The following BPIFC variants were observed in gnomAD, a reference collection of about 807,000 sequenced individuals.
The protein encoded by BPIFC is BPI fold-containing family C protein.
In BPIFC, 60 loss-of-function variants were observed where a neutral mutation model predicts 57.6. The ratio of observed to expected loss-of-function variants is 1.04; its 90% CI spans 0.85 to 1.29. BPIFC has a LOEUF of 1.29. Among genes scored for constraint, BPIFC ranks in the 50% most tolerant of loss-of-function variants. The pLI, the probability that BPIFC is intolerant of heterozygous loss-of-function variation, is 0.00. For missense variants in BPIFC, 581 were observed against 600.5 expected, an observed-to-expected ratio of 0.97 and a Z score of 0.34; for synonymous variants, 243 against 224.5, an observed-to-expected ratio of 1.08 and a Z score of -0.74.
rs1206778178 is a variant in BPIFC, at chr22:32,414,267, A to ACCAT, written c.*32_*35dup. The ACCAT allele has an allele frequency of 3.0e-5, 49 of 1,610,126 alleles. No homozygotes were observed. Among genetic ancestry groups the ACCAT allele is most frequent in the Non-Finnish European group, 3.9e-5 (46 of 1,177,878 alleles). ...GTTTACAGTAGTTGTAGGATTAAGG[A>ACCAT]CCATTTACTTCCTGGGGTGAATTGC... On this transcript the variant is annotated 3_prime_UTR_variant, in exon 17 of 17. Coordinates refer to ENST00000300399, the MANE Select transcript of BPIFC (RefSeq NM_174932.3).
At chr22:32,436,989 ATTGT>A (rs1463457744) in intron 9 of BPIFC, among the ~76,000 whole-genome samples, 2 of 152,328 alleles carry the variant, frequency 1.3e-5, no homozygotes, top group African/African-American at 4.8e-5. Context: ...AACCACAATG[ATTGT>A]TTTTCCATGA....
chr22:32,442,817 AG>A, intron 7 of BPIFC, 86 bp from the exon 8 acceptor site: 1 of 1,284,700 alleles, frequency 7.8e-7, no homozygotes, highest in South Asian at 1.3e-5. Flanking sequence ...CTGCAAACAA[AG>A]GCCTTCTGGT....
At chr22:32,462,943 G>A (rs1438900219) in intron 1 of BPIFC, among the ~76,000 whole-genome samples, 1 of 152,120 alleles carries the variant, frequency 6.6e-6, no homozygotes, top group African/African-American at 2.4e-5. Flanking sequence ...ATCTAGAAAC[G>A]TTCAAGCATC....
chr22:32,416,011 G>A lies in BPIFC; in HGVS notation c.1325-20C>T, dbSNP rs56965504. On this transcript the variant is annotated intron_variant, in intron 15 of 16. Coordinates refer to ENST00000300399, the MANE Select transcript of BPIFC (RefSeq NM_174932.3). ...ATTTTGCTAAAATATAGAACAAGAC[G>A]TAAAACAATTGGGCACAAGCACAGA... 10,530 of 1,509,394 alleles carry A rather than the reference G, an allele frequency of 7.0e-3. 536 individuals are homozygous for A. The African/African-American group carries it at 0.12, about 17-fold the overall frequency. The allele number at this position is 1,509,394 out of a possible 1,614,324, so 93.5% of individuals were successfully genotyped here. A position where few individuals can be genotyped will look rare whatever the true frequency, so the allele number is the denominator to read the frequency against.
intron 1 of BPIFC, among the ~76,000 whole-genome samples, chr22:32,462,392 C>G (rs1935186704): frequency 6.6e-6 from 1 of 151,250 alleles, no homozygotes; most frequent in African/African-American, 2.4e-5. Flanking sequence ...AGATTCCAGT[C>G]AACTAAGAAA....
chr22:32,439,718 G>A (rs1234122061), intron 8 of BPIFC, among the ~76,000 whole-genome samples: 1 of 152,024 alleles, frequency 6.6e-6, no homozygotes, highest in Non-Finnish European at 1.5e-5. Context: ...GGGTTCAAGT[G>A]ATTCTCCTGA....
chr22:32,453,611 C>T, intron 3 of BPIFC, 108 bp from the exon 4 acceptor site: 1 of 1,333,426 alleles, frequency 7.5e-7, no homozygotes, highest in Non-Finnish European at 9.8e-7. Flanking sequence ...CCCTTAGATA[C>T]TTAGAAAATG....
At chr22:32,442,322 G>C (rs923742399) in intron 8 of BPIFC, among the ~76,000 whole-genome samples, 1 of 152,168 alleles carries the variant, frequency 6.6e-6, no homozygotes, top group Non-Finnish European at 1.5e-5. Context: ...AGCCACTGCA[G>C]GCTGAGAACC....
chr22:32,451,720 T>A (rs1480008669), intron 4 of BPIFC, among the ~76,000 whole-genome samples: 2 of 151,958 alleles, frequency 1.3e-5, no homozygotes, highest in African/African-American at 2.4e-5. Flanking sequence ...AATAAATTTT[T>A]AAAAAAAGAA....
chr22:32,437,686 C>A, intron 9 of BPIFC, 74 bp downstream of exon 9: 1 of 1,119,812 alleles, frequency 8.9e-7, no homozygotes, highest in Non-Finnish European at 1.3e-6. Flanking sequence ...GCACCGTGCC[C>A]AGTCCATAAT....
In BPIFC at chr22:32,457,571, A is replaced by G. The variant is rs113091425; in HGVS notation, c.1-185T>C. On this transcript the variant is annotated intron_variant, in intron 2 of 16. Transcript: ENST00000300399. ...CAACCATCCATCCGTCCATCCATCC[A>G]TCCATCCATCCATCCATCCATCCAT... is the stretch of plus-strand genomic sequence containing the variant. Among the ~76,000 whole-genome samples the G allele has an allele frequency of 9.6e-3, 763 of 79,456 alleles. 5 individuals are homozygous for G. In the South Asian group the frequency reaches 0.1, roughly 11 times the overall value. The allele number at this position is 79,456 out of a possible 152,430, so 52.1% of individuals were successfully genotyped here. A position where few individuals can be genotyped will look rare whatever the true frequency, so the allele number is the denominator to read the frequency against.
At chr22:32,449,757 T>C (rs891578240) in intron 4 of BPIFC, among the ~76,000 whole-genome samples, 8 of 150,714 alleles carry the variant, frequency 5.3e-5, no homozygotes, top group African/African-American at 2.0e-4. Context: ...TTTTTTGAGA[T>C]GGAGTTTCAC....
chr22:32,417,025 G>A (rs2145907547), intron 15 of BPIFC, 60 bp downstream of exon 15: 8 of 1,327,380 alleles, frequency 6.0e-6, no homozygotes, highest in South Asian at 3.5e-5. Context: ...CAGTGCAGCC[G>A]ATGCAGATGT....
Position 32,445,955 on chromosome 22 carries a change from T to C in BPIFC, c.416A>G (p.Tyr139Cys), listed in dbSNP as rs1285927649. 1.2e-6 allele frequency: 2 copies of C among 1,613,972 alleles called. No individual in the cohort carries two copies. The highest frequency in any genetic ancestry group is 2.7e-5 in the African/African-American group (2 of 74,888). Residue 139 changes from tyrosine to cysteine, a missense_variant, in exon 6 of 17, where the codon TAC becomes TGC. By Grantham distance (194) the Tyr-to-Cys change is radical. Coordinates refer to ENST00000300399, the MANE Select transcript of BPIFC (RefSeq NM_174932.3). The stretch of plus-strand genomic sequence containing the variant: ...GGTTAGGATAATGATACCGGTAAAG[T>C]AGACTCCGGAGAGAAACAGATCAGC... ...GGADLFLSGVYFTGIIILTRN... is the reference protein window; with the variant it reads ...GGADLFLSGVCFTGIIILTRN...
chr22:32,444,176 C>T (rs1041110705), intron 7 of BPIFC, among the ~76,000 whole-genome samples: 33 of 152,156 alleles, frequency 2.2e-4, no homozygotes, highest in Admixed American at 2.0e-4. Context: ...GCAAAAGGAC[C>T]GTGCCTCGTT....
At chr22:32,457,134 A>C in intron 3 of BPIFC, 129 bp downstream of exon 3, 1 of 1,067,896 alleles carries the variant, frequency 9.4e-7, no homozygotes, top group Non-Finnish European at 1.3e-6. Flanking sequence ...TTTCTGCATA[A>C]GGTACTGGAT....
chr22:32,429,307 CG>C (rs1934163204), intron 13 of BPIFC, among the ~76,000 whole-genome samples: 1 of 147,646 alleles, frequency 6.8e-6, no homozygotes, highest in Non-Finnish European at 1.5e-5. Context: ...CCCGAGTTCA[CG>C]CCATTGTCTT....
At chr22:32,444,112 C>T (rs1934645610) in intron 7 of BPIFC, among the ~76,000 whole-genome samples, 1 of 152,178 alleles carries the variant, frequency 6.6e-6, no homozygotes. Flanking sequence ...TTCAGGCAAA[C>T]TTAATTATTG....
At chr22:32,427,205 T>C (rs1934093296) in intron 13 of BPIFC, among the ~76,000 whole-genome samples, 1 of 152,236 alleles carries the variant, frequency 6.6e-6, no homozygotes, top group Non-Finnish European at 1.5e-5. Context: ...AACAGTTTTT[T>C]CTATTACTCC....
Sources: gnomAD v4.1 joint callset for allele counts (sites outside exome capture counted in the v4.1 genomes callset) on GRCh38, gnomAD v4.1.1 for gene constraint, MANE v1.5 for transcripts, NCBI Gene and HGNC (gene_info 2026-07-23, HGNC 2026-07-21) for gene names.